The following GAS7 variants were observed in gnomAD, a reference collection of about 807,000 sequenced individuals.
GAS7 encodes growth arrest-specific protein 7.
GAS7 carries 28 observed loss-of-function variants against 71.1 expected under a neutral mutation model. The ratio of observed to expected loss-of-function variants is 0.39; its 90% CI spans 0.29 to 0.54. The LOEUF (loss-of-function observed/expected upper bound fraction) is 0.54, where lower values mean the gene tolerates loss of function less well. Among genes scored for constraint, GAS7 ranks in the 20% least tolerant of loss-of-function variants. The pLI, the probability that GAS7 is intolerant of heterozygous loss-of-function variation, is 0.62. For synonymous variants in GAS7, 258 were observed against 245.8 expected, an observed-to-expected ratio of 1.05 and a Z score of -0.46; for missense variants, 436 against 627.8, an observed-to-expected ratio of 0.69 and a Z score of 3.27.
intron 2 of GAS7, among the ~76,000 whole-genome samples, chr17:10,009,450 A>AT (rs1474553041): frequency 1.3e-4 from 20 of 152,134 alleles, no homozygotes; most frequent in Non-Finnish European, 4.4e-5. Flanking sequence ...GAAAATTACT[A>AT]TTTGGCAAAG....
chr17:10,122,802 T>C (rs755940298), intron 1 of GAS7, among the ~76,000 whole-genome samples: 9 of 152,292 alleles, frequency 5.9e-5, no homozygotes, highest in Admixed American at 2.0e-4. Context: ...TGTTTAAACA[T>C]AAAATAAATA....
At chr17:9,978,042 CT>C in intron 3 of GAS7, among the ~76,000 whole-genome samples, 1 of 152,132 alleles carries the variant, frequency 6.6e-6, no homozygotes, top group Non-Finnish European at 1.5e-5. Flanking sequence ...GGGATCTTGT[CT>C]CTATGAAAAA....
At chr17:10,009,691 C>CAAAA (rs2071690145) in intron 2 of GAS7, among the ~76,000 whole-genome samples, 7 of 136,652 alleles carry the variant, frequency 5.1e-5, no homozygotes, top group African/African-American at 1.9e-4. Flanking sequence ...AAAAAAAAAC[C>CAAAA]AAACAAAAAA....
chr17:10,165,145 A>T (rs1211713774), intron 1 of GAS7, among the ~76,000 whole-genome samples: 2 of 145,602 alleles, frequency 1.4e-5, no homozygotes, highest in African/African-American at 5.1e-5. Context: ...AAAAAAAAAT[A>T]GCTGGGTGTG....
rs75580106 is a variant in GAS7 at position 10,173,845 on chromosome 17, G to C, written c.183+24363C>G. 3.5e-3 allele frequency among the ~76,000 whole-genome samples: 538 copies of C among 152,290 alleles called. 13 individuals carry two copies. The East Asian group carries it at 0.049, about 14-fold the overall frequency. ...ACATAATGCTGGGTTTGCCCTTCAT[G>C]GGGGTGGGAGGTGGCTGCAGACCCA... On this transcript the variant is annotated intron_variant, in intron 1 of 13. Transcript: ENST00000432992.
At chr17:10,093,450 T>C (rs564472928) in intron 1 of GAS7, among the ~76,000 whole-genome samples, 1 of 145,684 alleles carries the variant, frequency 6.9e-6, no homozygotes, top group African/African-American at 2.6e-5. Context: ...CACGCCTGAG[T>C]CCCAGCTACT....
chr17:10,093,211 T>G (rs534828056), intron 1 of GAS7, among the ~76,000 whole-genome samples: 15 of 152,292 alleles, frequency 9.8e-5, no homozygotes, highest in Non-Finnish European at 1.5e-4. Context: ...TATCTCACCT[T>G]TATAAGGAAG....
intron 1 of GAS7, among the ~76,000 whole-genome samples, chr17:10,123,689 T>C (rs1312971118): frequency 6.6e-6 from 1 of 152,188 alleles, no homozygotes; most frequent in Admixed American, 6.5e-5. Context: ...ACCTAGAGCT[T>C]GCTCCCCCAA....
intron 8 of GAS7, 63 bp downstream of exon 8, chr17:9,940,063 C>A: frequency 1.1e-6 from 1 of 925,290 alleles, no homozygotes; most frequent in Non-Finnish European, 1.8e-6. Context: ...GTGATAGTGG[C>A]TGATTTCCCT....
intron 1 of GAS7, among the ~76,000 whole-genome samples, chr17:10,145,773 A>G (rs2074116627): frequency 6.6e-6 from 1 of 152,238 alleles, no homozygotes; most frequent in Non-Finnish European, 1.5e-5. Flanking sequence ...AGGGGGAAAC[A>G]GCAATATATT....
At chr17:10,182,640 C>T (rs1417997434) in intron 1 of GAS7, among the ~76,000 whole-genome samples, 2 of 152,138 alleles carry the variant, frequency 1.3e-5, no homozygotes, top group East Asian at 1.9e-4. Context: ...TTAGGGCACA[C>T]GGCAGAAATC....
At chr17:10,119,482 C>CCATGCCAAT (rs1302969527) in intron 1 of GAS7, among the ~76,000 whole-genome samples, 1 of 152,228 alleles carries the variant, frequency 6.6e-6, no homozygotes. Context: ...ATTCCTACGA[C>CCATGCCAAT]CATGCCAATC....
intron 13 of GAS7, among the ~76,000 whole-genome samples, 180 bp downstream of exon 13, chr17:9,917,821 G>A (rs576032151): frequency 8.5e-5 from 13 of 152,298 alleles, no homozygotes; most frequent in African/African-American, 2.6e-4. Context: ...TCACACAGAC[G>A]TCCAGGACAA....
intron 1 of GAS7, among the ~76,000 whole-genome samples, chr17:10,078,034 A>T (rs1054975838): frequency 1.3e-5 from 2 of 150,166 alleles, no homozygotes; most frequent in Non-Finnish European, 3.0e-5. Flanking sequence ...GTACATGCGG[A>T]AGTTTGTTGT....
At chr17:10,055,207 A>C (rs543091953) in intron 1 of GAS7, among the ~76,000 whole-genome samples, 1 of 152,322 alleles carries the variant, frequency 6.6e-6, no homozygotes, top group South Asian at 2.1e-4. Context: ...AGAGATGCCC[A>C]TGGGTAGCAA....
At position 10,034,664 on chromosome 17, in the gene GAS7, TAGG is replaced by T. The variant is rs142589932; in HGVS notation, c.184-14770_184-14768del. On this transcript the variant is annotated intron_variant, in intron 1 of 13. Transcript: ENST00000432992. The surrounding 1 kb of genome is among the most constrained non-coding windows in gnomAD (Gnocchi z 4.4). ...ATGTTTTAAGGACATGCCATTTTAATAGGAGAAAAAAAGTCACATTCAAGTGTA... is the reference window on the plus strand; with the variant it reads ...ATGTTTTAAGGACATGCCATTTTAATAGAAAAAAAGTCACATTCAAGTGTA... Among the ~76,000 whole-genome samples, 941 of 152,236 alleles carry T rather than the reference TAGG, an allele frequency of 6.2e-3. 35 individuals carry two copies. The East Asian group carries it at 0.12, about 19-fold the overall frequency.
intron 9 of GAS7, among the ~76,000 whole-genome samples, chr17:9,930,839 G>A (rs1019609719): frequency 6.6e-6 from 1 of 152,168 alleles, no homozygotes; most frequent in Non-Finnish European, 1.5e-5. Flanking sequence ...AGGCTGCTGC[G>A]ATGACCGCTT....
At position 10,029,874 on chromosome 17, in the gene GAS7, T is replaced by A. The variant is rs1030580929; in HGVS notation, c.184-9977A>T. On this transcript the variant is annotated intron_variant, in intron 1 of 13. Coordinates refer to ENST00000432992, the MANE Select transcript of GAS7 (RefSeq NM_201433.2). Reference sequence around the variant, plus strand: ...CTCAAAAAAAAAACAATAATAATAATAATTATAATTATATATACTAGAAGA... The same window carrying A: ...CTCAAAAAAAAAACAATAATAATAAAAATTATAATTATATATACTAGAAGA... 3.3e-4 allele frequency among the ~76,000 whole-genome samples: 50 copies of A among 151,240 alleles called. 1 individual carries two copies. Among genetic ancestry groups the A allele is most frequent in the Admixed American group, 2.6e-4 (4 of 15,184 alleles).
In GAS7 at chr17:9,912,670, C is replaced by T. The variant is rs921049351; in HGVS notation, c.*4558G>A. The stretch of plus-strand genomic sequence containing the variant: ...TCTGCACTACCAAAAACCCACCACG[C>T]GCCAAAAGGCGAGTGTGAGCCCTAA... On this transcript the variant is annotated 3_prime_UTR_variant, in exon 14 of 14. Coordinates refer to ENST00000432992, the MANE Select transcript of GAS7 (RefSeq NM_201433.2). 3.9e-5 allele frequency: 9 copies of T among 232,612 alleles called. No homozygotes were observed. The highest frequency in any genetic ancestry group is 5.6e-5 in the Admixed American group (1 of 17,762). 14.4% of individuals were successfully genotyped at this position (232,612 alleles called of 1,614,324 possible).
Sources: gnomAD v4.1 joint callset for allele counts (sites outside exome capture counted in the v4.1 genomes callset) on GRCh38, gnomAD v4.1.1 for gene constraint, Gnocchi (gnomAD v3.1) non-coding constraint, MANE v1.5 for transcripts, NCBI Gene and HGNC (gene_info 2026-07-23, HGNC 2026-07-21) for gene names.